The following ZNF254 variants were observed in gnomAD, a reference collection of about 807,000 sequenced individuals.
ZNF254 encodes CTD-2017D11.1.
A neutral mutation model predicts 12.4 loss-of-function variants in ZNF254; 10 were observed. The ratio of observed to expected loss-of-function variants is 0.80; its 90% CI spans 0.50 to 1.36. The LOEUF is 1.36. Ranked by LOEUF, ZNF254 falls within the 40% of genes most tolerant of loss-of-function variation. The pLI is 0.00. For missense variants in ZNF254, 996 were observed against 763.9 expected (o/e 1.30, Z -3.58); for synonymous variants, 305 against 253.4 (o/e 1.20, Z -1.93).
chr19:24,062,089 A>C (rs1239275145), intron 2 of ZNF254, among the ~76,000 whole-genome samples: 1 of 127,346 alleles, frequency 7.9e-6, no homozygotes, highest in Non-Finnish European at 1.6e-5. Flanking sequence ...CTGTCTCACA[A>C]AAAAAAAAAA....
intron 3 of ZNF254, among the ~76,000 whole-genome samples, chr19:24,113,258 T>C (rs1020248953): frequency 5.8e-4 from 89 of 152,176 alleles, no homozygotes; most frequent in Admixed American, 1.2e-3. Context: ...ATATCCTTGA[T>C]GAACATCGAT....
chr19:24,089,905 C>T (rs1050631076), intron 1 of ZNF254, among the ~76,000 whole-genome samples: 5 of 151,326 alleles, frequency 3.3e-5, no homozygotes, highest in African/African-American at 9.7e-5. Context: ...AAAACAAAAA[C>T]GAGGGCCAGG....
rs1974826929 is a variant in ZNF254, at chr19:24,126,263, C to T, written c.263C>T (p.Pro88Leu). Residue 88 changes from proline (P) to leucine (L), a missense_variant, in exon 4 of 4, where the codon CCT becomes CTT. Coordinates refer to ENST00000357002, the MANE Select transcript of ZNF254 (RefSeq NM_203282.4). The stretch of plus-strand genomic sequence containing the variant: ...TTTATTTTTTTTTCAGGTATGTGTC[C>T]TCATTTTGCTCAAGACCTTTGGCCA... ...EMVDEPPGMC[P>L]HFAQDLWPEQ... 3.4e-6 allele frequency: 5 copies of T among 1,472,896 alleles called. No individual in the cohort carries two copies. Among genetic ancestry groups the T allele is most frequent in the South Asian group, 1.6e-5 (1 of 62,508 alleles). The allele number at this position is 1,472,896 out of a possible 1,614,324, so 91.2% of individuals were successfully genotyped here.
At position 24,106,571 on chromosome 19, in the gene ZNF254, C is replaced by A. The variant is rs915458375; in HGVS notation, c.181C>A (p.Leu61Met). 5.1e-6 allele frequency: 8 copies of A among 1,582,714 alleles called. No homozygotes were observed. The highest frequency in any genetic ancestry group is 6.9e-6 in the Non-Finnish European group (8 of 1,162,478). The change falls in exon 3 of 4, where the codon CTG (leucine) becomes ATG (methionine). Residue 61 changes from leucine to methionine, a missense_variant. Transcript: ENST00000357002. Reference protein sequence around the residue: ...FLGIAVSKPDLITCLEQGKEP... With the variant: ...FLGIAVSKPDMITCLEQGKEP... ...AGGTATTGCTGTCTCTAAGCCAGAC[C>A]TGATCACCTGTCTGGAACAAGGGAA...
At chr19:24,040,035 G>T (rs561422528) in intron 1 of ZNF254, among the ~76,000 whole-genome samples, 33 of 152,302 alleles carry the variant, frequency 2.2e-4, no homozygotes, top group African/African-American at 7.2e-4. Context: ...TCAAGTTCTT[G>T]TTGGTCCAGC....
At position 24,119,219 on chromosome 19, in the gene ZNF254, TCTCA is replaced by T. The variant is rs567308868; in HGVS notation, c.254-7031_254-7028del. On this transcript the variant is annotated intron_variant, in intron 3 of 3. Transcript: ENST00000357002. ...ATTTTTTATTTTTTTTGAGATGAAG[TCTCA>T]CTCTGTCACCCAGGCCAGAGTGCAG... Among the ~76,000 whole-genome samples the T allele has an allele frequency of 2.7e-3, 418 of 152,194 alleles. 16 individuals carry two copies. The highest frequency in any genetic ancestry group is 0.027 in the Admixed American group (409 of 15,268).
intron 1 of ZNF254, chr19:24,091,989 C>G (rs1972414750): frequency 4.7e-6 from 1 of 211,770 alleles, no homozygotes; most frequent in Non-Finnish European, 8.1e-6. Flanking sequence ...ACGCCGTTCT[C>G]AGCCTCTCGA....
At chr19:24,050,145 GTATTA>G (rs1379665739) in intron 2 of ZNF254, among the ~76,000 whole-genome samples, 1 of 151,716 alleles carries the variant, frequency 6.6e-6, no homozygotes, top group Non-Finnish European at 1.5e-5. Flanking sequence ...TTTATTTATT[GTATTA>G]TATTTTATTT....
At chr19:24,107,880 T>A (rs1973439409) in intron 3 of ZNF254, among the ~76,000 whole-genome samples, 1 of 152,190 alleles carries the variant, frequency 6.6e-6, no homozygotes, top group Admixed American at 6.6e-5. Context: ...AGCTTGGCCT[T>A]AAGGCTGCTG....
At chr19:24,055,440 G>A (rs1054053272) in intron 2 of ZNF254, among the ~76,000 whole-genome samples, 25 of 151,514 alleles carry the variant, frequency 1.7e-4, no homozygotes, top group African/African-American at 6.1e-4. Context: ...CACCATGCCC[G>A]GCTAATTTTT....
chr19:24,078,598 C>T (rs1315095745), intron 2 of ZNF254: 1 of 152,146 alleles, frequency 6.6e-6, no homozygotes, highest in Non-Finnish European at 1.5e-5. Flanking sequence ...TACATTTTAA[C>T]CTTTTTTATT....
chr19:24,069,959 A>G (rs549419514), intron 2 of ZNF254, among the ~76,000 whole-genome samples: 143 of 152,330 alleles, frequency 9.4e-4, no homozygotes, highest in African/African-American at 3.3e-3. Context: ...CCTGCCGCTC[A>G]TTACAATTGT....
intron 1 of ZNF254, chr19:24,098,988 CTTTTTTTTTTTTTT>C (rs927108646): frequency 8.0e-5 from 6 of 74,768 alleles, no homozygotes; most frequent in African/African-American, 1.3e-4. Flanking sequence ...AGGCTTCGCT[CTTTTTTTTTTTTTT>C]TTTTTTTTTT....
rs201419535 is a variant in ZNF254 at position 24,126,467 on chromosome 19, G to A, written c.467G>A (p.Cys156Tyr). The change falls in exon 4 of 4, where the codon TGT becomes TAT. Residue 156 changes from cysteine (C) to tyrosine (Y), a missense_variant. Cys to Tyr is a radical substitution (Grantham distance 194). Coordinates refer to ENST00000357002, the MANE Select transcript of ZNF254 (RefSeq NM_203282.4). ...ACTGCCCAGAGCAAAGTATTTCAAT[G>A]TGATAAATATTTGAAAGTCTTCTAT... is the stretch of plus-strand genomic sequence containing the variant. ...FTTAQSKVFQ[C>Y]DKYLKVFYKF... 31 of 1,589,740 alleles carry A rather than the reference G, an allele frequency of 1.9e-5. No homozygotes were observed. In the Middle Eastern group the frequency reaches 5.1e-4, roughly 26 times the overall value.
At chr19:24,124,272 ATGT>A (rs1026325362) in intron 3 of ZNF254, among the ~76,000 whole-genome samples, 13 of 152,106 alleles carry the variant, frequency 8.5e-5, no homozygotes, top group East Asian at 3.9e-4. Flanking sequence ...TTTGTCATTG[ATGT>A]TGTTAATTAT....
intron 1 of ZNF254, among the ~76,000 whole-genome samples, chr19:24,101,583 T>A (rs573981594): frequency 6.6e-6 from 1 of 152,318 alleles, no homozygotes; most frequent in African/African-American, 2.4e-5. Flanking sequence ...TATACTTACC[T>A]GGAAAATATG....
chr19:24,116,860 A>C (rs1974114116), intron 3 of ZNF254, among the ~76,000 whole-genome samples: 1 of 152,136 alleles, frequency 6.6e-6, no homozygotes, highest in African/African-American at 2.4e-5. Context: ...GGTGATGTAC[A>C]GATGGGTTTT....
At chr19:24,063,643 C>T (rs954016156) in intron 2 of ZNF254, among the ~76,000 whole-genome samples, 2 of 152,202 alleles carry the variant, frequency 1.3e-5, no homozygotes, top group African/African-American at 2.4e-5. Flanking sequence ...ACTTACTTTT[C>T]CTGCCTGTCC....
chr19:24,071,461 G>T (rs1320997314), intron 2 of ZNF254, among the ~76,000 whole-genome samples: 2 of 152,158 alleles, frequency 1.3e-5, no homozygotes, highest in Non-Finnish European at 2.9e-5. Context: ...CCCCATGCCT[G>T]GGTGCTTCCC....
Sources: allele counts gnomAD v4.1 joint callset (sites outside exome capture counted in the v4.1 genomes callset), GRCh38; gene constraint gnomAD v4.1.1; transcripts MANE v1.5; gene names NCBI Gene and HGNC (gene_info 2026-07-23, HGNC 2026-07-21).